The following MICU1 variants were observed in gnomAD, a reference collection of about 807,000 sequenced individuals.
MICU1 encodes mitochondrial calcium uptake 1.
Under a neutral mutation model 56.8 loss-of-function variants are expected in MICU1, and 45 were observed. That is an observed-to-expected ratio of 0.79 (90% CI 0.62 to 1.02). The LOEUF is 1.02. Ranked by LOEUF, MICU1 falls within the 50% of genes least tolerant of loss-of-function variation. The probability of loss-of-function intolerance (pLI) is 0.00; values close to 1 mark genes in which losing one functional copy is unlikely to be tolerated. For synonymous variants in MICU1, 186 were observed against 195.1 expected (o/e 0.95, Z 0.39); for missense variants, 504 against 587.1 (o/e 0.86, Z 1.46).
chr10:72,542,150 C>T (rs754626970), intron 4 of MICU1, among the ~76,000 whole-genome samples: 7 of 152,136 alleles, frequency 4.6e-5, no homozygotes, highest in Non-Finnish European at 8.8e-5. Flanking sequence ...GTGGTTATCT[C>T]TAATAAGAAT....
In MICU1 at chr10:72,455,284, A is replaced by C. The variant is rs1027579677; in HGVS notation, c.933+19816T>G. ...GGAAAAGCTTGAACCCGGGAGGTGGAGGTTGCAGTGAGCCGAGATGGTGCC... is the reference window on the plus strand; with the variant it reads ...GGAAAAGCTTGAACCCGGGAGGTGGCGGTTGCAGTGAGCCGAGATGGTGCC... On this transcript the variant is annotated intron_variant, in intron 8 of 11. Transcript: ENST00000361114. 1.6e-4 allele frequency among the ~76,000 whole-genome samples: 21 copies of C among 127,616 alleles called. No homozygotes were observed. In the Admixed American group the frequency reaches 1.9e-3, roughly 11 times the overall value. The allele number at this position is 127,616 out of a possible 152,430, so 83.7% of individuals were successfully genotyped here. A position where few individuals can be genotyped will look rare whatever the true frequency, so the allele number is the denominator to read the frequency against.
At chr10:72,433,152 C>T (rs1352723809) in intron 8 of MICU1, among the ~76,000 whole-genome samples, 1 of 151,366 alleles carries the variant, frequency 6.6e-6, no homozygotes, top group Non-Finnish European at 1.5e-5. Context: ...GTTGGCCAGG[C>T]TGGTCTTGAA....
rs1554867912 is a variant in MICU1 at position 72,431,094 on chromosome 10, G to GTCTGTCTATCTATCTATCTA, written c.934-7724_934-7723insTAGATAGATAGATAGACAGA. The stretch of plus-strand genomic sequence containing the variant: ...GCTTTGAATATACCTTTATCTGTCT[G>GTCTGTCTATCTATCTATCTA]TCTATCTATCTATCTATCTATCTAT... On this transcript the variant is annotated intron_variant, in intron 8 of 11. Coordinates refer to ENST00000361114, the MANE Select transcript of MICU1 (RefSeq NM_001195518.2). Among the ~76,000 whole-genome samples, 171 of 141,428 alleles carry GTCTGTCTATCTATCTATCTA rather than the reference G, an allele frequency of 1.2e-3. 1 individual carries two copies. Among genetic ancestry groups the GTCTGTCTATCTATCTATCTA allele is most frequent in the East Asian group, 5.0e-3 (24 of 4,812 alleles). 92.8% of individuals were successfully genotyped at this position (141,428 alleles called of 152,430 possible).
intron 1 of MICU1, among the ~76,000 whole-genome samples, chr10:72,621,549 A>C (rs990662243): frequency 6.6e-6 from 1 of 152,154 alleles, no homozygotes; most frequent in Admixed American, 6.6e-5. Context: ...CAGATTTTTA[A>C]ACATAAAACA....
chr10:72,605,674 G>T (rs1841666731), intron 1 of MICU1, among the ~76,000 whole-genome samples: 1 of 152,138 alleles, frequency 6.6e-6, no homozygotes, highest in Non-Finnish European at 1.5e-5. Context: ...GATATGAGTA[G>T]TTTAGAGATG....
intron 6 of MICU1, among the ~76,000 whole-genome samples, chr10:72,479,615 G>C (rs919200145): frequency 6.6e-6 from 1 of 152,154 alleles, no homozygotes; most frequent in Non-Finnish European, 1.5e-5. Flanking sequence ...TGCAACCTCA[G>C]ACTTCTGGGC....
intron 3 of MICU1, among the ~76,000 whole-genome samples, chr10:72,557,357 G>T (rs915808076): frequency 6.6e-6 from 1 of 152,156 alleles, no homozygotes; most frequent in Non-Finnish European, 1.5e-5. Flanking sequence ...AGGGGAAAGC[G>T]CATTGAAAAA....
intron 5 of MICU1, among the ~76,000 whole-genome samples, chr10:72,526,448 A>G (rs1399124867): frequency 6.6e-6 from 1 of 152,140 alleles, no homozygotes; most frequent in Non-Finnish European, 1.5e-5. Flanking sequence ...GGCGCCTGCC[A>G]CCAAGCCCAG....
intron 1 of MICU1, among the ~76,000 whole-genome samples, chr10:72,613,290 T>TA (rs1554812828): frequency 6.7e-6 from 1 of 149,234 alleles, no homozygotes; most frequent in Non-Finnish European, 1.5e-5. Flanking sequence ...TTTTTTTTTT[T>TA]AGAGACAGGG....
chr10:72,457,624 C>T (rs1009790516), intron 8 of MICU1, among the ~76,000 whole-genome samples: 1 of 152,050 alleles, frequency 6.6e-6, no homozygotes, highest in African/African-American at 2.4e-5. Flanking sequence ...ACAAGTACAA[C>T]TGTTCAATTA....
intron 1 of MICU1, among the ~76,000 whole-genome samples, chr10:72,588,541 T>C (rs1313792621): frequency 5.3e-5 from 8 of 152,278 alleles, no homozygotes; most frequent in East Asian, 3.9e-4. Flanking sequence ...CTGTTCAACA[T>C]AGTATAATAG....
At chr10:72,560,001 C>T (rs1840253353) in intron 3 of MICU1, among the ~76,000 whole-genome samples, 1 of 152,186 alleles carries the variant, frequency 6.6e-6, no homozygotes, top group Non-Finnish European at 1.5e-5. Flanking sequence ...CTCAAACCAT[C>T]CCCTCCCACT....
At chr10:72,424,424 A>G (rs1049141533) in intron 8 of MICU1, among the ~76,000 whole-genome samples, 4 of 151,880 alleles carry the variant, frequency 2.6e-5, no homozygotes, top group African/African-American at 9.7e-5. Flanking sequence ...AACAGTGACC[A>G]TTTACTGAGT....
At chr10:72,606,450 T>C (rs909208366) in intron 1 of MICU1, among the ~76,000 whole-genome samples, 4 of 151,942 alleles carry the variant, frequency 2.6e-5, no homozygotes, top group African/African-American at 9.7e-5. Context: ...GAGGCAGAGG[T>C]TGCAGTGAGC....
intron 6 of MICU1, among the ~76,000 whole-genome samples, chr10:72,489,344 C>A (rs1866581779): frequency 6.7e-6 from 1 of 150,306 alleles, no homozygotes; most frequent in South Asian, 2.1e-4. Flanking sequence ...AAAAAAGGAA[C>A]TAACTTATAT....
intron 8 of MICU1, among the ~76,000 whole-genome samples, chr10:72,424,305 G>A (rs1315451770): frequency 1.3e-5 from 2 of 151,980 alleles, no homozygotes; most frequent in Admixed American, 6.6e-5. Context: ...GAGAGATAGG[G>A]TTTCACCATG....
chr10:72,445,656 A>T (rs958513780), intron 8 of MICU1, among the ~76,000 whole-genome samples: 18 of 152,190 alleles, frequency 1.2e-4, no homozygotes, highest in Admixed American at 7.2e-4. Context: ...TTATCTGGGG[A>T]ATATAAATGA....
At chr10:72,401,991 GC>G (rs943528358) in intron 10 of MICU1, among the ~76,000 whole-genome samples, 9 of 148,560 alleles carry the variant, frequency 6.1e-5, no homozygotes, top group Middle Eastern at 6.8e-3. Context: ...TAAGGAATCC[GC>G]TAAAAAAAAA....
chr10:72,618,158 C>A (rs1842025165), intron 1 of MICU1, among the ~76,000 whole-genome samples: 1 of 148,142 alleles, frequency 6.8e-6, no homozygotes. Context: ...CAGAGCCAGA[C>A]TCTGTCTCAA....
Sources: allele counts gnomAD v4.1 joint callset (sites outside exome capture counted in the v4.1 genomes callset), GRCh38; gene constraint gnomAD v4.1.1; transcripts MANE v1.5; gene names NCBI Gene and HGNC (gene_info 2026-07-23, HGNC 2026-07-21).